Variants in KIAA0753 observed in about 807,000 individuals in gnomAD.
The protein encoded by KIAA0753 is protein moonraker.
Under a neutral mutation model 116.9 loss-of-function variants are expected in KIAA0753, and 114 were observed. The ratio of observed to expected loss-of-function variants is 0.98; its 90% confidence interval spans 0.84 to 1.14. The LOEUF (loss-of-function observed/expected upper bound fraction) is 1.14. Among genes scored for constraint, KIAA0753 ranks in the 50% most tolerant of loss-of-function variants. The probability of loss-of-function intolerance (pLI) is 0.00; values close to 1 mark genes in which losing one functional copy is unlikely to be tolerated. For missense variants in KIAA0753, 1,156 were observed against 1,172.4 expected (o/e 0.99, Z 0.20); for synonymous variants, 405 against 413.1 (o/e 0.98, Z 0.24).
chr17:6,591,883 G>A (rs1969095581), intron 16 of KIAA0753, among the ~76,000 whole-genome samples: 2 of 152,264 alleles, frequency 1.3e-5, no homozygotes. Flanking sequence ...TAGGCACAGT[G>A]AGGAACACAC....
rs777517275 is a variant in KIAA0753, at chr17:6,620,960, T to C, written c.1143A>G (p.Lys381=). 6.2e-7 allele frequency: 1 copy of C among 1,613,958 alleles called. No individual in the cohort carries two copies. The highest frequency in any genetic ancestry group is 1.7e-5 in the Admixed American group (1 of 60,026). ...ESLLEKKLSP[K]KVKKCFSEIR... ...TTTCACTGAAACATTTTTTCACCTT[T>C]TTTGGTGACAGTTTCTTTTCCAGGA... is the stretch of plus-strand genomic sequence containing the variant. The change falls in exon 7 of 19, where the codon AAA becomes AAG. Residue 381 remains lysine, a synonymous_variant. Coordinates refer to ENST00000361413, the MANE Select transcript of KIAA0753 (RefSeq NM_014804.3).
intron 18 of KIAA0753, among the ~76,000 whole-genome samples, chr17:6,584,212 C>T (rs1399702432): frequency 6.6e-6 from 1 of 152,188 alleles, no homozygotes; most frequent in Non-Finnish European, 1.5e-5. Flanking sequence ...GCTCATCTCC[C>T]TACAAACTGA....
intron 7 of KIAA0753, among the ~76,000 whole-genome samples, chr17:6,616,119 C>G (rs1970911119): frequency 2.0e-5 from 3 of 152,078 alleles, no homozygotes; most frequent in Admixed American, 2.0e-4. Flanking sequence ...GAAAAAACAA[C>G]AAATATAAAA....
At chr17:6,601,620 T>G (rs1019880966) in intron 12 of KIAA0753, among the ~76,000 whole-genome samples, 1 of 152,138 alleles carries the variant, frequency 6.6e-6, no homozygotes, top group Non-Finnish European at 1.5e-5. Flanking sequence ...GAAAATGAAT[T>G]TCGACCAGTA....
rs771054695 is a variant in KIAA0753, at chr17:6,628,635, T to C, written c.200A>G (p.Asn67Ser). Residue 67 changes from asparagine to serine, a missense_variant, in exon 3 of 19, where the codon AAT becomes AGT. By Grantham distance (46) the Asn-to-Ser change is conservative. Coordinates refer to ENST00000361413, the MANE Select transcript of KIAA0753 (RefSeq NM_014804.3). ...TGCATCTTTACAATGGTATGATTCATTGTATGAGTGCTTCAGTTTTTCAAT... is the reference window on the plus strand; with the variant it reads ...TGCATCTTTACAATGGTATGATTCACTGTATGAGTGCTTCAGTTTTTCAAT... The part of the protein sequence containing the change: ...IRIEKLKHSY[N>S]ESYHCKDADC... The C allele has an allele frequency of 3.0e-5, 49 of 1,614,200 alleles. No homozygotes were observed. Among genetic ancestry groups the C allele is most frequent in the Middle Eastern group, 1.6e-4 (1 of 6,062 alleles).
At chr17:6,623,372 G>A in intron 5 of KIAA0753, 137 bp downstream of exon 5, 1 of 716,342 alleles carries the variant, frequency 1.4e-6, no homozygotes, top group East Asian at 2.6e-5. Context: ...GAATATGTAA[G>A]GTGCTCACTC....
chr17:6,599,917 G>A (rs981849516), intron 13 of KIAA0753, among the ~76,000 whole-genome samples: 2 of 151,996 alleles, frequency 1.3e-5, no homozygotes, highest in African/African-American at 4.8e-5. Context: ...TACTGCTTAT[G>A]GGAGGATGGC....
chr17:6,636,306 G>A (rs1193660306), intron 1 of KIAA0753: 1 of 152,192 alleles, frequency 6.6e-6, no homozygotes, highest in Non-Finnish European at 1.5e-5. Flanking sequence ...ATCCCAACTG[G>A]CTTGACGTTG....
intron 18 of KIAA0753, among the ~76,000 whole-genome samples, chr17:6,587,097 T>C (rs1968631637): frequency 1.3e-5 from 2 of 152,102 alleles, no homozygotes. Context: ...CCAGGTGTAG[T>C]AGCCAGTACC....
chr17:6,627,356 T>C (rs889858079), intron 3 of KIAA0753, among the ~76,000 whole-genome samples: 7 of 152,222 alleles, frequency 4.6e-5, no homozygotes, highest in African/African-American at 1.4e-4. Context: ...AAGATGCATA[T>C]AGGTACATAT....
At chr17:6,629,903 G>A (rs1451663373) in intron 2 of KIAA0753, among the ~76,000 whole-genome samples, 6 of 152,190 alleles carry the variant, frequency 3.9e-5, no homozygotes, top group African/African-American at 1.2e-4. Flanking sequence ...TTTGTCATTT[G>A]AGGTCAGGAG....
At chr17:6,623,481 T>TATTGATCATAATTTA in intron 5 of KIAA0753, 28 bp downstream of exon 5, 1 of 1,525,894 alleles carries the variant, frequency 6.6e-7, no homozygotes, top group Non-Finnish European at 9.1e-7. Context: ...TATAAGCAAG[T>TATTGATCATAATTTA]ATTGATCATA....
chr17:6,583,185 C>A (rs983285058), intron 18 of KIAA0753, among the ~76,000 whole-genome samples: 4 of 152,176 alleles, frequency 2.6e-5, no homozygotes, highest in African/African-American at 9.7e-5. Flanking sequence ...GGGCTTAGAA[C>A]TCCAGACTGG....
At chr17:6,606,779 T>C in intron 12 of KIAA0753, 94 bp downstream of exon 12, 1 of 858,224 alleles carries the variant, frequency 1.2e-6, no homozygotes, top group East Asian at 2.5e-5. Flanking sequence ...TGTAATGAAG[T>C]TAGGCCTTAA....
At chr17:6,618,251 C>T (rs751817752) in intron 7 of KIAA0753, among the ~76,000 whole-genome samples, 7 of 152,170 alleles carry the variant, frequency 4.6e-5, no homozygotes, top group Admixed American at 2.0e-4. Context: ...ATTTGTCCTA[C>T]GCATCTCTTC....
At chr17:6,583,767 G>A (rs1968369151) in intron 18 of KIAA0753, among the ~76,000 whole-genome samples, 1 of 152,046 alleles carries the variant, frequency 6.6e-6, no homozygotes, top group Non-Finnish European at 1.5e-5. Context: ...AATGCACTAG[G>A]CACAGTTATT....
At chr17:6,613,864 T>C (rs1179836842) in intron 7 of KIAA0753, among the ~76,000 whole-genome samples, 2 of 152,182 alleles carry the variant, frequency 1.3e-5, no homozygotes, top group Non-Finnish European at 2.9e-5. Context: ...TATTTGAACT[T>C]AATTGGACTA....
chr17:6,599,373 T>A, intron 13 of KIAA0753, 53 bp from the exon 14 acceptor site: 1 of 1,175,368 alleles, frequency 8.5e-7, no homozygotes. Flanking sequence ...TAGCTCCTAT[T>A]AGTACAAATG....
At position 6,623,493 on chromosome 17, in the gene KIAA0753, T is replaced by C. The variant is rs1971462777; in HGVS notation, c.888+16A>G. 3 of 1,572,880 alleles carry C rather than the reference T, an allele frequency of 1.9e-6. No homozygotes were observed. The highest frequency in any genetic ancestry group is 2.7e-5 in the African/African-American group (2 of 73,790). The stretch of plus-strand genomic sequence containing the variant: ...ATTTATAAGCAAGTATTGATCATAA[T>C]TTAATTGCAGCATACCTTCTTAGTG... On this transcript the variant is annotated intron_variant, in intron 5 of 18. Transcript: ENST00000361413.
Sources: gnomAD v4.1 joint callset for allele counts (sites outside exome capture counted in the v4.1 genomes callset) on GRCh38, gnomAD v4.1.1 for gene constraint, MANE v1.5 for transcripts, NCBI Gene and HGNC (gene_info 2026-07-23, HGNC 2026-07-21) for gene names.